The following SLC44A5 variants were observed in gnomAD, a reference collection of about 807,000 sequenced individuals.
SLC44A5 encodes solute carrier family 44 member 5.
A neutral mutation model predicts 101.8 loss-of-function variants in SLC44A5; 57 were observed. The observed-to-expected ratio is 0.56, with a 90% CI of 0.45 to 0.70. The LOEUF is 0.70. Among genes scored for constraint, SLC44A5 ranks in the 30% least tolerant of loss-of-function variants. The probability of loss-of-function intolerance (pLI) is 0.00; values close to 1 mark genes in which losing one functional copy is unlikely to be tolerated. For synonymous variants in SLC44A5, 281 were observed against 290.9 expected (o/e 0.97, Z 0.35); for missense variants, 737 against 853.1 (o/e 0.86, Z 1.70).
chr1:75,676,102 T>C, the SLC44A5 span, among the ~76,000 whole-genome samples: 1 of 152,200 alleles, frequency 6.6e-6, no homozygotes, highest in South Asian at 2.1e-4. Flanking sequence ...TTGGTGGGAA[T>C]GTAAATTAGT....
chr1:75,484,430 T>A lies in SLC44A5; in HGVS notation c.13+57005A>T, dbSNP rs553244709. Among the ~76,000 whole-genome samples, 54 of 152,332 alleles carry A rather than the reference T, an allele frequency of 3.5e-4. 1 individual carries two copies. In the South Asian group the frequency reaches 0.01, roughly 29 times the overall value. ...TCTAAAATGATCTTCTTTGACTCCA[T>A]GCCTCATATCCAGCACACACTGATG... is the stretch of plus-strand genomic sequence containing the variant. On this transcript the variant is annotated intron_variant, in intron 2 of 23. Coordinates refer to ENST00000370859, the MANE Select transcript of SLC44A5 (RefSeq NM_001130058.2).
chr1:75,593,900 G>A (rs1332927987), intron 1 of SLC44A5, among the ~76,000 whole-genome samples: 1 of 151,356 alleles, frequency 6.6e-6, no homozygotes. Context: ...AGGGAAGTGG[G>A]GATAGTTAAT....
intron 7 of SLC44A5, among the ~76,000 whole-genome samples, chr1:75,245,234 G>A (rs1041687160): frequency 2.0e-5 from 3 of 152,004 alleles, no homozygotes; most frequent in Admixed American, 1.3e-4. Flanking sequence ...TCATCCACAC[G>A]TGTGCATGCA....
chr1:75,256,654 C>T (rs929014874), intron 6 of SLC44A5, among the ~76,000 whole-genome samples: 3 of 151,958 alleles, frequency 2.0e-5, no homozygotes, highest in African/African-American at 7.3e-5. Context: ...CAAATCTGAT[C>T]ATGTAAAATG....
At chr1:75,415,085 G>A (rs1663550545) in intron 2 of SLC44A5, among the ~76,000 whole-genome samples, 2 of 152,174 alleles carry the variant, frequency 1.3e-5, no homozygotes, top group South Asian at 2.1e-4. Flanking sequence ...TCTTGGATAA[G>A]GAAATGCCAA....
At chr1:75,535,442 C>G (rs570631770) in intron 2 of SLC44A5, among the ~76,000 whole-genome samples, 1 of 152,136 alleles carries the variant, frequency 6.6e-6, no homozygotes, top group Admixed American at 6.5e-5. Context: ...GTTCTTCCAT[C>G]GTGTGGAAAC....
intron 1 of SLC44A5, among the ~76,000 whole-genome samples, chr1:75,586,395 A>G (rs1165614059): frequency 6.7e-6 from 1 of 148,516 alleles, no homozygotes; most frequent in African/African-American, 2.5e-5. Context: ...GTTTGTGTGT[A>G]TCTGCCTGTG....
At position 75,457,405 on chromosome 1, in the gene SLC44A5, CT is replaced by C. The variant is rs1666247940; in HGVS notation, c.14-60785del. ...ACATCATGGGAAAGAAAAACAGAGC[CT>C]TCCAAAAGGAAGACATGCTTAAGTC... On this transcript the variant is annotated intron_variant, in intron 2 of 23. Coordinates refer to ENST00000370859, the MANE Select transcript of SLC44A5 (RefSeq NM_001130058.2). 2.6e-5 allele frequency among the ~76,000 whole-genome samples: 4 copies of C among 152,102 alleles called. No individual in the cohort carries two copies. The South Asian group carries it at 8.3e-4, about 32-fold the overall frequency.
the SLC44A5 span, among the ~76,000 whole-genome samples, chr1:75,656,470 A>G: frequency 6.6e-6 from 1 of 152,360 alleles, no homozygotes; most frequent in East Asian, 1.9e-4. Flanking sequence ...GAGATAGGCT[A>G]TATAAAAAGA....
intron 1 of SLC44A5, among the ~76,000 whole-genome samples, chr1:75,604,692 AGCAGCGTTTTGTAGTTTTCTTT>A (rs1376387021): frequency 1.3e-5 from 2 of 151,862 alleles, no homozygotes; most frequent in African/African-American, 4.8e-5. Flanking sequence ...GATTTATTTC[AGCAGCGTTTTGTAGTTTTCTTT>A]GTAGAGACCT....
At chr1:75,317,866 A>G (rs1329638198) in intron 4 of SLC44A5, among the ~76,000 whole-genome samples, 1 of 152,098 alleles carries the variant, frequency 6.6e-6, no homozygotes, top group African/African-American at 2.4e-5. Flanking sequence ...TCTAAACCTA[A>G]GTACCTCCAA....
At chr1:75,459,748 GT>G (rs1390754393) in intron 2 of SLC44A5, among the ~76,000 whole-genome samples, 1 of 152,184 alleles carries the variant, frequency 6.6e-6, no homozygotes, top group African/African-American at 2.4e-5. Flanking sequence ...AATAGTCATA[GT>G]CTGTAAAGCA....
At chr1:75,592,794 A>G (rs540301078) in intron 1 of SLC44A5, among the ~76,000 whole-genome samples, 1 of 152,182 alleles carries the variant, frequency 6.6e-6, no homozygotes, top group South Asian at 2.1e-4. Context: ...ATATCTATAT[A>G]CAGAAGAATG....
intron 12 of SLC44A5, among the ~76,000 whole-genome samples, chr1:75,232,398 T>A (rs2221459): frequency 0.28 from 43,031 of 151,866 alleles, 6,418 homozygotes; most frequent in Middle Eastern, 0.36. Context: ...AAGGGCAGAG[T>A]TTATTTTAAG....
At chr1:75,349,167 T>A (rs573862932) in intron 3 of SLC44A5, among the ~76,000 whole-genome samples, 1 of 152,092 alleles carries the variant, frequency 6.6e-6, no homozygotes, top group Non-Finnish European at 1.5e-5. Context: ...TGAAACCTCA[T>A]CTCTACTTAA....
At chr1:75,519,268 A>G (rs938080616) in intron 2 of SLC44A5, among the ~76,000 whole-genome samples, 2 of 152,130 alleles carry the variant, frequency 1.3e-5, no homozygotes, top group Non-Finnish European at 2.9e-5. Context: ...TGGGCTTAAA[A>G]CATTATTGGC....
chr1:75,350,893 C>A (rs1330494326), intron 3 of SLC44A5, among the ~76,000 whole-genome samples: 34 of 79,832 alleles, frequency 4.3e-4, no homozygotes, highest in Admixed American at 5.8e-4. Context: ...GACTCCATCT[C>A]AAAAAAAAAA....
At chr1:75,393,438 T>C (rs766382062) in intron 3 of SLC44A5, among the ~76,000 whole-genome samples, 9 of 152,202 alleles carry the variant, frequency 5.9e-5, no homozygotes, top group Non-Finnish European at 1.0e-4. Flanking sequence ...AACTCTTCTT[T>C]ATCCTGTATA....
chr1:75,563,826 T>C (rs988470049), intron 1 of SLC44A5, among the ~76,000 whole-genome samples: 2 of 152,164 alleles, frequency 1.3e-5, no homozygotes, highest in African/African-American at 4.8e-5. Context: ...CAAACAGGTG[T>C]CTGAAAATCA....
Sources: gnomAD v4.1 joint callset for allele counts (sites outside exome capture counted in the v4.1 genomes callset) on GRCh38, gnomAD v4.1.1 for gene constraint, MANE v1.5 for transcripts, NCBI Gene and HGNC (gene_info 2026-07-23, HGNC 2026-07-21) for gene names.